The following VPS13B variants were observed in gnomAD, a reference collection of about 807,000 sequenced individuals.
The protein encoded by VPS13B is vacuolar protein sorting 13 homolog B, also known as intermembrane lipid transfer protein VPS13B.
Under a neutral mutation model 426.4 loss-of-function variants are expected in VPS13B, and 285 were observed. That is an observed-to-expected ratio of 0.67 (90% confidence interval 0.61 to 0.74). VPS13B has a LOEUF of 0.74. VPS13B is among the 30% of genes least tolerant of loss of function. VPS13B has a pLI of 0.00. For missense variants in VPS13B, 4,537 were observed against 4,782.6 expected, an observed-to-expected ratio of 0.95 and a Z score of 1.51; for synonymous variants, 1,676 against 1,676.4, an observed-to-expected ratio of 1.00 and a Z score of 0.01.
At chr8:99,205,344 G>T (rs1814636723) in intron 17 of VPS13B, among the ~76,000 whole-genome samples, 1 of 152,196 alleles carries the variant, frequency 6.6e-6, no homozygotes, top group East Asian at 1.9e-4. Flanking sequence ...TCACACACTG[G>T]GGCCTGTTGT....
chr8:99,176,965 T>A (rs1268172376), intron 16 of VPS13B, among the ~76,000 whole-genome samples: 3 of 152,178 alleles, frequency 2.0e-5, no homozygotes, highest in Non-Finnish European at 2.9e-5. Flanking sequence ...GAAACTCATA[T>A]TAGTCAGCAG....
intron 2 of VPS13B, among the ~76,000 whole-genome samples, chr8:99,026,286 C>A (rs576750559): frequency 6.6e-6 from 1 of 152,000 alleles, no homozygotes; most frequent in African/African-American, 2.4e-5. Context: ...GTTTAATTTT[C>A]GTGTATTTGT....
Position 99,859,395 on chromosome 8 carries a change from G to C in VPS13B, c.10959G>C (p.Pro3653=). 2 of 1,614,150 alleles carry C rather than the reference G, an allele frequency of 1.2e-6. No homozygotes were observed. The highest frequency in any genetic ancestry group is 2.2e-5 in the East Asian group (1 of 44,872). The change falls in exon 57 of 62, where the codon CCG becomes CCC. Residue 3653 remains proline, a synonymous_variant. Transcript: ENST00000357162. Reference sequence around the variant, plus strand: ...GGGTCGCCGACTTCTTCAGGCTTCCGTATGAGGGGCTGACCCGGGGCCCTG... The same window carrying C: ...GGGTCGCCGACTTCTTCAGGCTTCCCTATGAGGGGCTGACCCGGGGCCCTG... ...GNGVADFFRL[P]YEGLTRGPGA... is the part of the protein sequence containing the mutation.
Position 99,876,064 on chromosome 8 carries a change from G to A in VPS13B, c.*398G>A. ...CATTTATTTTTGCTCTATGACACTT[G>A]CAAAAATCTCTACTGTAATTAATTT... On this transcript the variant is annotated 3_prime_UTR_variant, in exon 62 of 62. Transcript: ENST00000357162. The A allele has an allele frequency of 4.4e-6, 1 of 225,236 alleles. No homozygotes were observed. Among genetic ancestry groups the A allele is most frequent in the Non-Finnish European group, 8.8e-6 (1 of 114,210 alleles). 14.0% of individuals were successfully genotyped at this position (225,236 alleles called of 1,614,324 possible).
intron 6 of VPS13B, among the ~76,000 whole-genome samples, chr8:99,113,195 G>T (rs942876732): frequency 6.6e-6 from 1 of 151,774 alleles, no homozygotes. Context: ...AACTCCTGGG[G>T]TCAAGCGATC....
chr8:99,442,861 TATA>T, intron 23 of VPS13B, among the ~76,000 whole-genome samples: 1 of 152,138 alleles, frequency 6.6e-6, no homozygotes, highest in East Asian at 1.9e-4. Context: ...TGCAATATAA[TATA>T]ATCATTAAAA....
chr8:99,103,264 C>A, intron 5 of VPS13B, 144 bp downstream of exon 5: 1 of 866,686 alleles, frequency 1.2e-6, no homozygotes, highest in Non-Finnish European at 1.9e-6. Context: ...TGCACATATA[C>A]AAAATGTTGC....
intron 19 of VPS13B, among the ~76,000 whole-genome samples, chr8:99,282,610 T>C (rs1819225455): frequency 6.6e-6 from 1 of 152,232 alleles, no homozygotes; most frequent in African/African-American, 2.4e-5. Context: ...AAGTATCTGC[T>C]TAGCTGTAGT....
chr8:99,678,559 ATCTGAT>A (rs1351171306), intron 35 of VPS13B, among the ~76,000 whole-genome samples: 1 of 147,328 alleles, frequency 6.8e-6, no homozygotes, highest in Non-Finnish European at 1.5e-5. Context: ...ATTTGGCTTA[ATCTGAT>A]TCTGTTTTTT....
chr8:99,829,953 CT>C (rs1320919281), intron 51 of VPS13B, among the ~76,000 whole-genome samples: 1 of 150,934 alleles, frequency 6.6e-6, no homozygotes, highest in African/African-American at 2.5e-5. Context: ...AGATTGCTGC[CT>C]GCTCCTTCCT....
chr8:99,254,320 A>C (rs1017435438), intron 17 of VPS13B, among the ~76,000 whole-genome samples: 1 of 151,992 alleles, frequency 6.6e-6, no homozygotes, highest in African/African-American at 2.4e-5. Context: ...TGAATATAGA[A>C]TTTGGGGTAC....
At chr8:99,290,365 T>A (rs547657262) in intron 19 of VPS13B, among the ~76,000 whole-genome samples, 1 of 152,176 alleles carries the variant, frequency 6.6e-6, no homozygotes, top group South Asian at 2.1e-4. Context: ...GGGACATGGA[T>A]GAAGCTGGAA....
At chr8:99,697,332 C>G (rs954733475) in intron 35 of VPS13B, 1 of 566,654 alleles carries the variant, frequency 1.8e-6, no homozygotes, top group African/African-American at 1.9e-5. Context: ...GGAAGCCACC[C>G]CTCGAAGGCC....
intron 19 of VPS13B, among the ~76,000 whole-genome samples, chr8:99,310,655 T>G (rs1246431839): frequency 6.6e-6 from 1 of 152,204 alleles, no homozygotes; most frequent in Non-Finnish European, 1.5e-5. Context: ...TCTCTTTTTT[T>G]GTTGTGTCTA....
intron 19 of VPS13B, among the ~76,000 whole-genome samples, chr8:99,334,444 G>C (rs1429397044): frequency 6.6e-6 from 1 of 152,044 alleles, no homozygotes; most frequent in Non-Finnish European, 1.5e-5. Context: ...TTTTCAAAGG[G>C]AATGCTTCCA....
intron 36 of VPS13B, among the ~76,000 whole-genome samples, chr8:99,711,027 A>G (rs1344538857): frequency 6.6e-6 from 1 of 152,098 alleles, no homozygotes; most frequent in East Asian, 1.9e-4. Context: ...ACTGGTTCCA[A>G]GATTAAAAGC....
intron 6 of VPS13B, among the ~76,000 whole-genome samples, chr8:99,113,242 G>A (rs183561684): frequency 1.3e-5 from 2 of 152,166 alleles, no homozygotes; most frequent in Admixed American, 1.3e-4. Flanking sequence ...AGGACTACAG[G>A]CGCATGTCTC....
At chr8:99,809,563 T>C (rs1813593324) in intron 44 of VPS13B, 33 bp downstream of exon 44, 11 of 1,613,050 alleles carry the variant, frequency 6.8e-6, no homozygotes, top group Non-Finnish European at 9.3e-6. Flanking sequence ...CCCAGACACC[T>C]CTTAATTATT....
intron 43 of VPS13B, among the ~76,000 whole-genome samples, chr8:99,793,256 T>C (rs1203709372): frequency 1.6e-5 from 2 of 126,908 alleles, no homozygotes; most frequent in East Asian, 2.2e-4. Context: ...GCCCTCTCCA[T>C]ATATATATAT....
Sources: allele counts gnomAD v4.1 joint callset (sites outside exome capture counted in the v4.1 genomes callset), GRCh38; gene constraint gnomAD v4.1.1; transcripts MANE v1.5; gene names NCBI Gene and HGNC (gene_info 2026-07-23, HGNC 2026-07-21).